The following FMN1 variants were observed in gnomAD, a reference collection of about 807,000 sequenced individuals.
The protein encoded by FMN1 is formin-1.
Under a neutral mutation model 132.4 loss-of-function variants are expected in FMN1, and 110 were observed. The ratio of observed to expected loss-of-function variants is 0.83; its 90% CI spans 0.71 to 0.97. The LOEUF (loss-of-function observed/expected upper bound fraction) is 0.97, where lower values mean the gene tolerates loss of function less well. Ranked by LOEUF, FMN1 falls within the 50% of genes least tolerant of loss-of-function variation. The pLI, the probability that FMN1 is intolerant of heterozygous loss-of-function variation, is 0.00. For synonymous variants in FMN1, 722 were observed against 651.7 expected, an observed-to-expected ratio of 1.11 and a Z score of -1.64; for missense variants, 1,792 against 1,705.3, an observed-to-expected ratio of 1.05 and a Z score of -0.90.
intron 6 of FMN1, among the ~76,000 whole-genome samples, chr15:33,061,552 C>G (rs1035081411): frequency 2.0e-5 from 3 of 151,920 alleles, no homozygotes; most frequent in Non-Finnish European, 4.4e-5. Flanking sequence ...TCATTCCTAC[C>G]TCACATTGAT....
intron 14 of FMN1, 181 bp downstream of exon 14, chr15:32,899,798 C>CAAAAAA: frequency 6.5e-6 from 4 of 612,942 alleles, no homozygotes; most frequent in Non-Finnish European, 1.1e-5. Flanking sequence ...AAAAAAAAAC[C>CAAAAAA]AAACAAAACT....
chr15:32,851,796 G>C (rs916215671), intron 17 of FMN1, among the ~76,000 whole-genome samples: 1 of 152,138 alleles, frequency 6.6e-6, no homozygotes, highest in African/African-American at 2.4e-5. Context: ...ATTTACAGAA[G>C]AAAAATTAAA....
intron 18 of FMN1, among the ~76,000 whole-genome samples, chr15:32,803,946 T>C (rs766813529): frequency 2.0e-5 from 3 of 152,162 alleles, no homozygotes; most frequent in Non-Finnish European, 1.5e-5. Flanking sequence ...TGCTTATGGA[T>C]GCATAGTCTT....
At chr15:32,788,819 T>G (rs2140930214) in intron 19 of FMN1, among the ~76,000 whole-genome samples, 1 of 152,368 alleles carries the variant, frequency 6.6e-6, no homozygotes, top group South Asian at 2.1e-4. Context: ...GGATCTCCAC[T>G]TCCTTCTTTT....
At chr15:32,912,456 G>C (rs1488905549) in intron 10 of FMN1, among the ~76,000 whole-genome samples, 1 of 152,218 alleles carries the variant, frequency 6.6e-6, no homozygotes, top group African/African-American at 2.4e-5. Flanking sequence ...TTTTAAGTTA[G>C]AAGTGCAAAG....
At chr15:33,107,126 G>C (rs1294138268) in intron 4 of FMN1, among the ~76,000 whole-genome samples, 1 of 151,832 alleles carries the variant, frequency 6.6e-6, no homozygotes, top group Admixed American at 6.6e-5. Context: ...ATTAAAACCT[G>C]CTTCATCCTT....
intron 9 of FMN1, among the ~76,000 whole-genome samples, chr15:32,936,079 G>C (rs183952811): frequency 6.6e-6 from 1 of 152,248 alleles, no homozygotes; most frequent in East Asian, 1.9e-4. Context: ...CCCAATATTT[G>C]TTTGGTTCTT....
Position 33,081,328 on chromosome 15 carries a change from T to C in FMN1, c.2043+7471A>G, listed in dbSNP as rs117873076. On this transcript the variant is annotated intron_variant, in intron 5 of 20. Coordinates refer to ENST00000616417, the MANE Select transcript of FMN1 (RefSeq NM_001277313.2). ...CCATTATTTTTTAAATGTTAAAAAA[T>C]TGATATACGTATTTTGGGGTACGTG... Among the ~76,000 whole-genome samples, 121 of 152,298 alleles carry C rather than the reference T, an allele frequency of 7.9e-4. 3 individuals are homozygous for C. In the East Asian group the frequency reaches 0.016, roughly 21 times the overall value.
intron 10 of FMN1, among the ~76,000 whole-genome samples, chr15:32,924,718 G>A (rs566166667): frequency 6.6e-6 from 1 of 152,180 alleles, no homozygotes; most frequent in African/African-American, 2.4e-5. Flanking sequence ...TCAGGAGTTC[G>A]AGACCAGTCT....
chr15:33,112,716 C>G (rs566488946), intron 4 of FMN1, among the ~76,000 whole-genome samples: 1 of 152,222 alleles, frequency 6.6e-6, no homozygotes, highest in African/African-American at 2.4e-5. Flanking sequence ...ATAACAGTCA[C>G]GGCTGCCCAA....
intron 3 of FMN1, among the ~76,000 whole-genome samples, chr15:33,171,119 A>C (rs931443338): frequency 6.6e-6 from 1 of 152,228 alleles, no homozygotes; most frequent in Non-Finnish European, 1.5e-5. Flanking sequence ...CCAGGCACAG[A>C]AAGACAAGTA....
chr15:32,904,100 C>T (rs374099604), intron 12 of FMN1, among the ~76,000 whole-genome samples: 426 of 152,030 alleles, frequency 2.8e-3, no homozygotes, highest in African/African-American at 9.2e-3. Context: ...AATCTACAGT[C>T]CCATCTTGAT....
Position 32,774,149 on chromosome 15 carries a change from G to T in FMN1, c.*161C>A, listed in dbSNP as rs2056337950. The T allele has an allele frequency of 3.2e-6, 2 of 629,136 alleles. No individual in the cohort carries two copies. The highest frequency in any genetic ancestry group is 6.2e-5 in the East Asian group (2 of 32,150). The allele number at this position is 629,136 out of a possible 1,614,324, so 39.0% of individuals were successfully genotyped here. A position where few individuals can be genotyped will look rare whatever the true frequency, so the allele number is the denominator to read the frequency against. ...GCGGCTTAATGAGGGACTTCTTAAA[G>T]AAGGCATGGGGCACTCTCTGCAGAT... is the stretch of plus-strand genomic sequence containing the variant. On this transcript the variant is annotated 3_prime_UTR_variant, in exon 21 of 21. Coordinates refer to ENST00000616417, the MANE Select transcript of FMN1 (RefSeq NM_001277313.2).
rs2056071524 is a variant in FMN1 at position 32,767,018 on chromosome 15, T to A, written c.*7292A>T. 1 of 152,192 alleles carries A rather than the reference T, an allele frequency of 6.6e-6. No homozygotes were observed. Among genetic ancestry groups the A allele is most frequent in the Non-Finnish European group, 1.5e-5 (1 of 68,062 alleles). The allele number at this position is 152,192 out of a possible 1,614,324, so 9.4% of individuals were successfully genotyped here. A position where few individuals can be genotyped will look rare whatever the true frequency, so the allele number is the denominator to read the frequency against. On this transcript the variant is annotated 3_prime_UTR_variant, in exon 21 of 21. Transcript: ENST00000616417. Reference sequence around the variant, plus strand: ...CAAGCACAGACCAGTTTCACTGGGGTACCTGCTTTCCCAGTACATTGGCAC... The same window carrying A: ...CAAGCACAGACCAGTTTCACTGGGGAACCTGCTTTCCCAGTACATTGGCAC...
chr15:32,879,244 TA>T (rs2059706553), intron 16 of FMN1, among the ~76,000 whole-genome samples: 1 of 152,212 alleles, frequency 6.6e-6, no homozygotes, highest in East Asian at 1.9e-4. Context: ...AAGTTTTTTT[TA>T]TTATTTCTAA....
chr15:32,778,513 C>T (rs1168798577), intron 19 of FMN1, among the ~76,000 whole-genome samples: 1 of 151,948 alleles, frequency 6.6e-6, no homozygotes, highest in East Asian at 1.9e-4. Flanking sequence ...AGACATTTCT[C>T]CAAAGCTGAC....
intron 3 of FMN1, among the ~76,000 whole-genome samples, chr15:33,163,123 C>T (rs1964960877): frequency 6.6e-6 from 1 of 151,634 alleles, no homozygotes; most frequent in Non-Finnish European, 1.5e-5. Flanking sequence ...TGAGACACTG[C>T]TTCAAAAAAA....
At chr15:33,068,630 C>CCTTT (rs1555393153) in intron 5 of FMN1, among the ~76,000 whole-genome samples, 3 of 150,894 alleles carry the variant, frequency 2.0e-5, no homozygotes, top group South Asian at 4.2e-4. Flanking sequence ...GCCCTTGAAG[C>CCTTT]TTTTTTTAAG....
intron 17 of FMN1, among the ~76,000 whole-genome samples, chr15:32,853,793 G>A (rs1191530120): frequency 2.6e-5 from 4 of 152,180 alleles, no homozygotes; most frequent in African/African-American, 4.8e-5. Flanking sequence ...CTTTGGTTAC[G>A]TAGCCCCACT....
Sources: allele counts gnomAD v4.1 joint callset (sites outside exome capture counted in the v4.1 genomes callset), GRCh38; gene constraint gnomAD v4.1.1; transcripts MANE v1.5; gene names NCBI Gene and HGNC (gene_info 2026-07-23, HGNC 2026-07-21).